SEPTIN2: variants seen among roughly 807,000 people sequenced by gnomAD.
SEPTIN2 encodes the protein septin-2.
A neutral mutation model predicts 46.5 loss-of-function variants in SEPTIN2; 34 were observed. The observed-to-expected ratio is 0.73, with a 90% CI of 0.56 to 0.97. The LOEUF (loss-of-function observed/expected upper bound fraction) is 0.97. Ranked by LOEUF, SEPTIN2 falls within the 50% of genes least tolerant of loss-of-function variation. The probability of loss-of-function intolerance (pLI) is 0.00; values close to 1 mark genes in which losing one functional copy is unlikely to be tolerated. For synonymous variants in SEPTIN2, 175 were observed against 153.4 expected (o/e 1.14, Z -1.04); for missense variants, 347 against 448.4 (o/e 0.77, Z 2.04).
At chr2:241,330,765 C>T (rs976069150) in intron 3 of SEPTIN2, among the ~76,000 whole-genome samples, 3 of 152,190 alleles carry the variant, frequency 2.0e-5, no homozygotes, top group Non-Finnish European at 2.9e-5. Context: ...TGGAGTTTAT[C>T]TTAGGAATAC....
intron 3 of SEPTIN2, among the ~76,000 whole-genome samples, chr2:241,326,772 G>A (rs375119349): frequency 5.3e-5 from 8 of 152,178 alleles, no homozygotes; most frequent in African/African-American, 1.4e-4. Flanking sequence ...CCTGCCAATG[G>A]CTGTGTAAGT....
intron 1 of SEPTIN2, among the ~76,000 whole-genome samples, chr2:241,320,451 A>G (rs1460922827): frequency 3.3e-5 from 5 of 151,962 alleles, no homozygotes; most frequent in Admixed American, 6.6e-5. Context: ...ACTTTTCTAT[A>G]TTTGCTATTT....
intron 8 of SEPTIN2, among the ~76,000 whole-genome samples, chr2:241,343,484 CAAGACTCTGTCTCAAAAAA>C (rs1322139738): frequency 1.3e-5 from 2 of 150,428 alleles, no homozygotes; most frequent in Non-Finnish European, 3.0e-5. Context: ...GGCGACAGAG[CAAGACTCTGTCTCAAAAAA>C]AAAAAAAATT....
At chr2:241,333,332 A>G (rs1467760351) in intron 3 of SEPTIN2, among the ~76,000 whole-genome samples, 1 of 152,154 alleles carries the variant, frequency 6.6e-6, no homozygotes, top group African/African-American at 2.4e-5. Flanking sequence ...AGAAACAGGT[A>G]AAGGGGCATT....
At chr2:241,347,857 C>CA (rs1039583594) in intron 10 of SEPTIN2, among the ~76,000 whole-genome samples, 2 of 151,426 alleles carry the variant, frequency 1.3e-5, no homozygotes, top group Non-Finnish European at 2.9e-5. Flanking sequence ...CTACTAAACA[C>CA]AAAAAAAATT....
chr2:241,321,167 G>A (rs980716552), intron 1 of SEPTIN2, among the ~76,000 whole-genome samples: 2 of 152,050 alleles, frequency 1.3e-5, no homozygotes, highest in African/African-American at 4.8e-5. Context: ...TAAATCAGAT[G>A]TATTTGTTGT....
intron 3 of SEPTIN2, among the ~76,000 whole-genome samples, chr2:241,329,618 A>G (rs2078651570): frequency 6.6e-6 from 1 of 152,322 alleles, no homozygotes; most frequent in South Asian, 2.1e-4. Flanking sequence ...CAGAAAGGGT[A>G]CACTCGCCAG....
At chr2:241,320,755 C>CA (rs1404999187) in intron 1 of SEPTIN2, among the ~76,000 whole-genome samples, 1 of 152,160 alleles carries the variant, frequency 6.6e-6, no homozygotes, top group African/African-American at 2.4e-5. Flanking sequence ...CGCCAGTGCA[C>CA]TCCAGCCTGG....
chr2:241,327,242 C>T (rs1020906149), intron 3 of SEPTIN2, among the ~76,000 whole-genome samples: 2 of 151,192 alleles, frequency 1.3e-5, no homozygotes, highest in African/African-American at 4.9e-5. Flanking sequence ...AACTCTATTA[C>T]TTAAAGGAAA....
intron 3 of SEPTIN2, among the ~76,000 whole-genome samples, chr2:241,333,721 T>C (rs1043044056): frequency 2.0e-5 from 3 of 152,054 alleles, no homozygotes; most frequent in African/African-American, 7.2e-5. Context: ...GCCAGGATGG[T>C]CTTGAACTCC....
chr2:241,335,786 A>G (rs1386392020), intron 4 of SEPTIN2, 189 bp from the exon 5 acceptor site: 13 of 656,608 alleles, frequency 2.0e-5, no homozygotes, highest in Admixed American at 1.2e-4. Context: ...CCCCAGTAGC[A>G]CAATAATCTT....
At chr2:241,329,762 C>A (rs1413918600) in intron 3 of SEPTIN2, among the ~76,000 whole-genome samples, 1 of 152,150 alleles carries the variant, frequency 6.6e-6, no homozygotes, top group African/African-American at 2.4e-5. Context: ...TGTATTTGTC[C>A]TGATTGGCTA....
At chr2:241,347,511 C>T (rs756823114) in intron 10 of SEPTIN2, among the ~76,000 whole-genome samples, 37 of 152,144 alleles carry the variant, frequency 2.4e-4, no homozygotes, top group Non-Finnish European at 5.0e-4. Context: ...CGTTCACTCA[C>T]GCAGATCCTG....
At chr2:241,319,860 C>T (rs773394426) in intron 1 of SEPTIN2, among the ~76,000 whole-genome samples, 9 of 152,242 alleles carry the variant, frequency 5.9e-5, no homozygotes, top group Non-Finnish European at 1.2e-4. Flanking sequence ...TCCCAAAGTG[C>T]TGGTATTACA....
At chr2:241,319,983 T>TA (rs1391226992) in intron 1 of SEPTIN2, among the ~76,000 whole-genome samples, 1 of 152,216 alleles carries the variant, frequency 6.6e-6, no homozygotes, top group Non-Finnish European at 1.5e-5. Flanking sequence ...TTTTCCCCTA[T>TA]ACTGTGTTGT....
intron 3 of SEPTIN2, among the ~76,000 whole-genome samples, chr2:241,333,026 TGAGTG>T (rs1156392099): frequency 2.0e-5 from 3 of 152,228 alleles, no homozygotes; most frequent in Non-Finnish European, 4.4e-5. Flanking sequence ...ATCTTTATCT[TGAGTG>T]GAGTTTGATT....
At chr2:241,324,193 T>A (rs201869492) in intron 1 of SEPTIN2, 23 bp from the exon 2 acceptor site, 49 of 1,607,710 alleles carry the variant, frequency 3.0e-5, no homozygotes, top group Non-Finnish European at 3.9e-5. Flanking sequence ...TTTATGTGTG[T>A]CTGTGTGTTT....
chr2:241,343,151 T>C, intron 8 of SEPTIN2, 58 bp downstream of exon 8: 1 of 996,152 alleles, frequency 1.0e-6, no homozygotes, highest in Non-Finnish European at 1.6e-6. Flanking sequence ...TTGTCCATGT[T>C]GAGGTGAGAG....
chr2:241,317,369 C>A, intron 1 of SEPTIN2: 1 of 185,516 alleles, frequency 5.4e-6, no homozygotes. Flanking sequence ...AGAACAAGAG[C>A]GTTTTAATTA....
Sources: gnomAD v4.1 joint callset for allele counts (sites outside exome capture counted in the v4.1 genomes callset) on GRCh38, gnomAD v4.1.1 for gene constraint, MANE v1.5 for transcripts, NCBI Gene and HGNC (gene_info 2026-07-23, HGNC 2026-07-21) for gene names.